Variants in LMOD1 observed in about 807,000 individuals in gnomAD.
LMOD1 encodes the protein leiomodin-1.
In LMOD1, 8 loss-of-function variants were observed where a neutral mutation model predicts 36.5. The ratio of observed to expected loss-of-function variants is 0.22; its 90% CI spans 0.13 to 0.40. LMOD1 has a LOEUF of 0.40. LMOD1 is among the 10% of genes least tolerant of loss of function. LMOD1 has a pLI of 1.00. For missense variants in LMOD1, 630 were observed against 751.1 expected (o/e 0.84, Z 1.88); for synonymous variants, 284 against 288.7 (o/e 0.98, Z 0.17).
In LMOD1 at chr1:201,946,344, G is replaced by A. The variant is rs1350060363; in HGVS notation, c.-4C>T. On this transcript the variant is annotated 5_prime_UTR_variant, in exon 1 of 3. Coordinates refer to ENST00000367288, the MANE Select transcript of LMOD1 (RefSeq NM_012134.3). ...GATATTTGGCTACTCTAGACATCTT[G>A]GCAAAATGGGCTGTGGCTGCCAGGG... 2 of 1,612,534 alleles carry A rather than the reference G, an allele frequency of 1.2e-6. No individual in the cohort carries two copies. Among genetic ancestry groups the A allele is most frequent in the Non-Finnish European group, 1.7e-6 (2 of 1,178,776 alleles).
intron 1 of LMOD1, among the ~76,000 whole-genome samples, chr1:201,919,638 G>T (rs903153554): frequency 6.0e-4 from 91 of 152,178 alleles, no homozygotes; most frequent in African/African-American, 2.1e-3. Context: ...TCTCCCTGAG[G>T]CTGCTTTTCT....
At chr1:201,934,344 C>T (rs1681979283) in intron 1 of LMOD1, among the ~76,000 whole-genome samples, 1 of 152,148 alleles carries the variant, frequency 6.6e-6, no homozygotes, top group Non-Finnish European at 1.5e-5. Flanking sequence ...TGAGGCAAAC[C>T]TCAACCTCCC....
At chr1:201,904,716 AG>A (rs1246352795) in intron 1 of LMOD1, among the ~76,000 whole-genome samples, 1 of 152,210 alleles carries the variant, frequency 6.6e-6, no homozygotes, top group African/African-American at 2.4e-5. Flanking sequence ...TGGGAGGGAA[AG>A]GGTTGATTAA....
intron 1 of LMOD1, among the ~76,000 whole-genome samples, chr1:201,928,372 C>T (rs1187486516): frequency 6.6e-6 from 1 of 152,224 alleles, no homozygotes; most frequent in African/African-American, 2.4e-5. Flanking sequence ...CTCCTTTGCT[C>T]CAGCCTCACT....
At chr1:201,936,798 G>T (rs568792124) in intron 1 of LMOD1, among the ~76,000 whole-genome samples, 1 of 152,208 alleles carries the variant, frequency 6.6e-6, no homozygotes, top group South Asian at 2.1e-4. Flanking sequence ...AAATTAGCTG[G>T]GTGTGGTGGC....
chr1:201,919,043 C>T (rs558467482), intron 1 of LMOD1, among the ~76,000 whole-genome samples: 327 of 152,174 alleles, frequency 2.1e-3, no homozygotes, highest in African/African-American at 7.7e-3. Flanking sequence ...CAGGCATGTG[C>T]CACCATGCCT....
rs549698988 is a variant in LMOD1, at chr1:201,896,600, C to T, written c.*1772G>A. The T allele has an allele frequency of 1.6e-4, 73 of 456,766 alleles. No individual in the cohort carries two copies. Among genetic ancestry groups the T allele is most frequent in the South Asian group, 1.1e-3 (71 of 64,572 alleles). The allele number at this position is 456,766 out of a possible 1,614,324, so 28.3% of individuals were successfully genotyped here. ...AGCAACCTAAAGCATCTAGCTAGTG[C>T]CCAGTGCCCAGCAGGCACAGGGGGG... On this transcript the variant is annotated 3_prime_UTR_variant, in exon 3 of 3. Coordinates refer to ENST00000367288, the MANE Select transcript of LMOD1 (RefSeq NM_012134.3).
Position 201,899,371 on chromosome 1 carries a change from C to T in LMOD1, c.1642G>A (p.Glu548Lys), listed in dbSNP as rs773056701. The T allele has an allele frequency of 3.8e-5, 61 of 1,611,384 alleles. No homozygotes were observed. Among genetic ancestry groups the T allele is most frequent in the East Asian group, 2.2e-4 (10 of 44,836 alleles). ...GGTGAGAGTGAATTCTTCAGGTTCT[C>T]CATGATAAGGGGTGGAGCCAAGGGA... ...PPPLAPPLIM[E>K]NLKNSLSPAT... The change falls in exon 2 of 3, where the codon GAG becomes AAG. Residue 548 changes from glutamate to lysine, a missense_variant. This residue lies in a region of LMOD1 where 144 missense variants were observed against 169.8 expected (regional missense o/e 0.85). Transcript: ENST00000367288. This position sits in a 1 kb window ranked among gnomAD's most constrained non-coding sequence, Gnocchi z 6.3.
chr1:201,898,048 T>A lies in LMOD1; in HGVS notation c.*324A>T. 2.9e-6 allele frequency: 1 copy of A among 342,608 alleles called. No homozygotes were observed. Among genetic ancestry groups the A allele is most frequent in the South Asian group, 5.0e-5 (1 of 20,006 alleles). The allele number at this position is 342,608 out of a possible 1,614,324, so 21.2% of individuals were successfully genotyped here. ...GTCCCTGTGGGACATCTTTCCTGGATCACAGGCCTTTTGCAGCTTGCCAGC... is the reference window on the plus strand; with the variant it reads ...GTCCCTGTGGGACATCTTTCCTGGAACACAGGCCTTTTGCAGCTTGCCAGC... On this transcript the variant is annotated 3_prime_UTR_variant, in exon 3 of 3. Coordinates refer to ENST00000367288, the MANE Select transcript of LMOD1 (RefSeq NM_012134.3).
At chr1:201,937,989 G>A (rs555256895) in intron 1 of LMOD1, among the ~76,000 whole-genome samples, 6 of 152,228 alleles carry the variant, frequency 3.9e-5, no homozygotes, top group South Asian at 2.1e-4. Context: ...TGGGAGGAGC[G>A]GATAGGAGTG....
Position 201,910,744 on chromosome 1 carries a change from CTTTTTTTT to C in LMOD1, c.262-10001_262-9994del, listed in dbSNP as rs58506647. On this transcript the variant is annotated intron_variant, in intron 1 of 2. Coordinates refer to ENST00000367288, the MANE Select transcript of LMOD1 (RefSeq NM_012134.3). ...TTCCCCTTTTGCAGATGGTGTCATT[CTTTTTTTT>C]TTTTTTTTTTTTTTTTTTTTGAGAT... is the stretch of plus-strand genomic sequence containing the variant. Among the ~76,000 whole-genome samples the C allele has an allele frequency of 2.6e-3, 128 of 49,060 alleles. 1 individual carries two copies. The highest frequency in any genetic ancestry group is 0.026 in the Middle Eastern group (1 of 38). The allele number at this position is 49,060 out of a possible 152,430, so 32.2% of individuals were successfully genotyped here.
chr1:201,897,200 A>ATC lies in LMOD1; in HGVS notation c.*1171_*1172insGA. The ATC allele has an allele frequency of 3.1e-5, 6 of 190,552 alleles. No homozygotes were observed. The highest frequency in any genetic ancestry group is 1.1e-4 in the Admixed American group (2 of 18,794). 11.8% of individuals were successfully genotyped at this position (190,552 alleles called of 1,614,324 possible). A position where few individuals can be genotyped will look rare whatever the true frequency, so the allele number is the denominator to read the frequency against. ...CACAGATATGGGTGCTATTCTCCAAATAGTCACTCCACTTCTCTGCCTGCC... is the reference window on the plus strand; with the variant it reads ...CACAGATATGGGTGCTATTCTCCAAATCTAGTCACTCCACTTCTCTGCCTGCC... On this transcript the variant is annotated 3_prime_UTR_variant, in exon 3 of 3. Coordinates refer to ENST00000367288, the MANE Select transcript of LMOD1 (RefSeq NM_012134.3).
chr1:201,904,382 G>C (rs577933780), intron 1 of LMOD1, among the ~76,000 whole-genome samples: 1 of 152,008 alleles, frequency 6.6e-6, no homozygotes, highest in Non-Finnish European at 1.5e-5. Context: ...AGCTAATTTT[G>C]TATTTTTGGT....
At chr1:201,917,946 G>A (rs917238960) in intron 1 of LMOD1, among the ~76,000 whole-genome samples, 3 of 152,232 alleles carry the variant, frequency 2.0e-5, no homozygotes, top group African/African-American at 7.2e-5. Context: ...GCTTTATGGT[G>A]TCTGACCTCT....
intron 1 of LMOD1, among the ~76,000 whole-genome samples, chr1:201,912,601 G>A (rs910977507): frequency 6.6e-6 from 1 of 152,228 alleles, no homozygotes; most frequent in Non-Finnish European, 1.5e-5. Flanking sequence ...GCTCATGCCT[G>A]TAATCCCAGC....
At chr1:201,902,404 C>T (rs963556368) in intron 1 of LMOD1, among the ~76,000 whole-genome samples, 13 of 151,298 alleles carry the variant, frequency 8.6e-5, no homozygotes, top group African/African-American at 3.2e-4. Flanking sequence ...GCCATGGGAC[C>T]AAGTCAGTTG....
chr1:201,919,595 C>T (rs1373844730), intron 1 of LMOD1, among the ~76,000 whole-genome samples: 1 of 152,178 alleles, frequency 6.6e-6, no homozygotes, highest in African/African-American at 2.4e-5. Context: ...GACCCCTTCT[C>T]TTCTATGTGA....
At chr1:201,933,184 C>T (rs893119444) in intron 1 of LMOD1, among the ~76,000 whole-genome samples, 5 of 152,064 alleles carry the variant, frequency 3.3e-5, no homozygotes, top group African/African-American at 9.7e-5. Context: ...GAGGCTGAGG[C>T]GAGTGGAACA....
At chr1:201,939,596 G>A (rs1682079876) in intron 1 of LMOD1, among the ~76,000 whole-genome samples, 1 of 152,194 alleles carries the variant, frequency 6.6e-6, no homozygotes, top group Non-Finnish European at 1.5e-5. Context: ...TCTTTTGCTG[G>A]TTAAACAAAA....
Sources: gnomAD v4.1 joint callset for allele counts (sites outside exome capture counted in the v4.1 genomes callset) on GRCh38, gnomAD v4.1.1 for gene constraint, gnomAD v4.1.1 regional missense constraint, Gnocchi (gnomAD v3.1) non-coding constraint, MANE v1.5 for transcripts, NCBI Gene and HGNC (gene_info 2026-07-23, HGNC 2026-07-21) for gene names.